The following FHIT variants were observed in gnomAD, a reference collection of about 807,000 sequenced individuals.
FHIT encodes the protein bis(5'-adenosyl)-triphosphatase.
A neutral mutation model predicts 17.9 loss-of-function variants in FHIT; 19 were observed. The observed-to-expected ratio is 1.06, with a 90% CI of 0.74 to 1.56. FHIT has a LOEUF of 1.56. Among genes scored for constraint, FHIT ranks in the 40% most tolerant of loss-of-function variants. The pLI, the probability that FHIT is intolerant of heterozygous loss-of-function variation, is 0.00. For synonymous variants in FHIT, 81 were observed against 69.7 expected (o/e 1.16, Z -0.81); for missense variants, 248 against 189.2 (o/e 1.31, Z -1.82).
At chr3:60,726,562 G>A (rs1270884790) in intron 4 of FHIT, among the ~76,000 whole-genome samples, 14 of 152,120 alleles carry the variant, frequency 9.2e-5, no homozygotes, top group Non-Finnish European at 1.0e-4. Flanking sequence ...AGCAGTTGAT[G>A]TTCCCAAATT....
chr3:60,498,105 A>G (rs147316624), intron 5 of FHIT, among the ~76,000 whole-genome samples: 1 of 152,224 alleles, frequency 6.6e-6, no homozygotes, highest in Non-Finnish European at 1.5e-5. Context: ...TTAGTTACAG[A>G]AACAGGCAGG....
intron 4 of FHIT, among the ~76,000 whole-genome samples, chr3:60,698,324 C>CATAAAAGAGGCGTTTCAGGAAT (rs1553701223): frequency 6.6e-6 from 1 of 151,914 alleles, no homozygotes; most frequent in Non-Finnish European, 1.5e-5. Flanking sequence ...GCTTCTAGAA[C>CATAAAAGAGGCGTTTCAGGAAT]ATAAAAGAGG....
At chr3:60,444,675 T>G (rs929961214) in intron 5 of FHIT, among the ~76,000 whole-genome samples, 2 of 151,892 alleles carry the variant, frequency 1.3e-5, no homozygotes, top group African/African-American at 4.8e-5. Context: ...AAAGGGAACA[T>G]CACACACCGG....
intron 4 of FHIT, among the ~76,000 whole-genome samples, chr3:60,662,453 T>C (rs561827074): frequency 3.9e-5 from 6 of 152,190 alleles, no homozygotes; most frequent in African/African-American, 1.2e-4. Flanking sequence ...TCTTATAGTA[T>C]AGTTTGAAGT....
intron 4 of FHIT, among the ~76,000 whole-genome samples, chr3:60,605,946 C>T (rs144338195): frequency 1.3e-5 from 2 of 152,150 alleles, no homozygotes; most frequent in Non-Finnish European, 2.9e-5. Context: ...TCTGACTGCT[C>T]TGTCACAGAT....
At chr3:61,191,598 G>A (rs2038718464) in intron 2 of FHIT, among the ~76,000 whole-genome samples, 1 of 152,140 alleles carries the variant, frequency 6.6e-6, no homozygotes. Context: ...TATTAGGGTG[G>A]CCTCCCTCCA....
At chr3:61,129,892 A>C (rs1352530607) in intron 2 of FHIT, among the ~76,000 whole-genome samples, 1 of 152,192 alleles carries the variant, frequency 6.6e-6, no homozygotes, top group Non-Finnish European at 1.5e-5. Context: ...ATTCAAAAGA[A>C]ATTTATATCT....
intron 5 of FHIT, among the ~76,000 whole-genome samples, chr3:60,089,935 T>TATATGA (rs1235031081): frequency 2.0e-5 from 3 of 152,136 alleles, no homozygotes; most frequent in Admixed American, 6.5e-5. Flanking sequence ...ATAACGAATA[T>TATATGA]ATATGAATTA....
At chr3:61,135,597 AC>A (rs2036893844) in intron 2 of FHIT, among the ~76,000 whole-genome samples, 1 of 150,018 alleles carries the variant, frequency 6.7e-6, no homozygotes, top group Non-Finnish European at 1.5e-5. Flanking sequence ...ACACACACAC[AC>A]ATACACACAC....
intron 4 of FHIT, among the ~76,000 whole-genome samples, chr3:60,817,540 G>A (rs1162699547): frequency 6.6e-5 from 10 of 151,004 alleles, no homozygotes; most frequent in East Asian, 3.9e-4. Flanking sequence ...TTTACCCCTC[G>A]TTTGTACTTT....
At chr3:60,732,454 T>C in intron 4 of FHIT, 1 of 725,472 alleles carries the variant, frequency 1.4e-6, no homozygotes, top group Non-Finnish European at 2.6e-6. Context: ...CACCCTGACA[T>C]ATAAACCCTG....
intron 8 of FHIT, among the ~76,000 whole-genome samples, chr3:59,885,901 C>T (rs927058365): frequency 6.6e-6 from 1 of 152,170 alleles, no homozygotes; most frequent in South Asian, 2.1e-4. Context: ...CAACCAAGAG[C>T]ACATTTGCTA....
intron 5 of FHIT, among the ~76,000 whole-genome samples, chr3:60,177,114 C>T (rs1701712223): frequency 6.6e-6 from 1 of 151,998 alleles, no homozygotes; most frequent in African/African-American, 2.4e-5. Context: ...TTAGCAAAGA[C>T]CTTTGTGAAT....
At position 60,485,183 on chromosome 3, in the gene FHIT, G is replaced by T. The variant is rs2033783675; in HGVS notation, c.103+51677C>A. Among the ~76,000 whole-genome samples the T allele has an allele frequency of 2.0e-5, 3 of 152,160 alleles. No individual in the cohort carries two copies. The South Asian group carries it at 6.2e-4, about 31-fold the overall frequency. On this transcript the variant is annotated intron_variant, in intron 5 of 9. Transcript: ENST00000492590. The stretch of plus-strand genomic sequence containing the variant: ...TGCTGGTGAGGCTGTGGAGAAATTA[G>T]AATGCTTTTACACTGTTGGTGGGAA...
At chr3:61,132,192 T>C (rs551780801) in intron 2 of FHIT, among the ~76,000 whole-genome samples, 2 of 152,202 alleles carry the variant, frequency 1.3e-5, no homozygotes, top group Non-Finnish European at 2.9e-5. Context: ...CTCAAATCTG[T>C]TACTTCACTT....
intron 5 of FHIT, among the ~76,000 whole-genome samples, chr3:60,188,207 C>CTTTTTTTTTT (rs1210975877): frequency 1.6e-5 from 2 of 125,564 alleles, no homozygotes; most frequent in Non-Finnish European, 3.3e-5. Context: ...CAGTTTCTTT[C>CTTTTTTTTTT]TTTTTTTTTT....
At chr3:60,515,345 G>GA (rs2035111955) in intron 5 of FHIT, among the ~76,000 whole-genome samples, 1 of 152,170 alleles carries the variant, frequency 6.6e-6, no homozygotes, top group South Asian at 2.1e-4. Flanking sequence ...GAGGAGGAAG[G>GA]AAAATCTATA....
chr3:60,612,826 T>C (rs1193322279), intron 4 of FHIT, among the ~76,000 whole-genome samples: 1 of 152,186 alleles, frequency 6.6e-6, no homozygotes, highest in Non-Finnish European at 1.5e-5. Flanking sequence ...ACATTATTAA[T>C]CAATAACAGA....
At chr3:60,920,737 T>C (rs1707240482) in intron 3 of FHIT, among the ~76,000 whole-genome samples, 1 of 152,024 alleles carries the variant, frequency 6.6e-6, no homozygotes, top group Non-Finnish European at 1.5e-5. Context: ...TTCAGTCATG[T>C]TTAAAGAATT....
Sources: allele counts gnomAD v4.1 joint callset (sites outside exome capture counted in the v4.1 genomes callset), GRCh38; gene constraint gnomAD v4.1.1; transcripts MANE v1.5; gene names NCBI Gene and HGNC (gene_info 2026-07-23, HGNC 2026-07-21).